Variants in LRRC7 observed in about 807,000 individuals in gnomAD.
The protein encoded by LRRC7 is leucine-rich repeat-containing protein 7.
A neutral mutation model predicts 175.7 loss-of-function variants in LRRC7; 23 were observed. The ratio of observed to expected loss-of-function variants is 0.13; its 90% CI spans 0.09 to 0.19. LRRC7 has a LOEUF of 0.19. LRRC7 is among the 10% of genes least tolerant of loss of function. LRRC7 has a pLI of 1.00. For missense variants in LRRC7, 1,354 were observed against 1,904.7 expected, an observed-to-expected ratio of 0.71 and a Z score of 5.38; for synonymous variants, 685 against 680.9, an observed-to-expected ratio of 1.01 and a Z score of -0.09.
At chr1:69,747,869 A>T (rs1163378592) in intron 2 of LRRC7, among the ~76,000 whole-genome samples, 1 of 152,124 alleles carries the variant, frequency 6.6e-6, no homozygotes, top group African/African-American at 2.4e-5. Flanking sequence ...CATTTCAAGC[A>T]TTCATGAACC....
At chr1:69,697,005 C>A (rs571283024) in intron 2 of LRRC7, among the ~76,000 whole-genome samples, 82 of 152,180 alleles carry the variant, frequency 5.4e-4, no homozygotes, top group African/African-American at 1.9e-3. Flanking sequence ...GCTTTTCTAC[C>A]TTCCTTTTTA....
At chr1:69,658,142 G>A (rs1656925279) in intron 1 of LRRC7, among the ~76,000 whole-genome samples, 1 of 151,870 alleles carries the variant, frequency 6.6e-6, no homozygotes, top group Non-Finnish European at 1.5e-5. Flanking sequence ...TGGAATGAGT[G>A]AAATGTGAAT....
At chr1:69,745,691 A>G (rs1377544998) in intron 2 of LRRC7, among the ~76,000 whole-genome samples, 1 of 151,802 alleles carries the variant, frequency 6.6e-6, no homozygotes, top group East Asian at 1.9e-4. Context: ...ACACAAAACA[A>G]TGTATTAATT....
intron 8 of LRRC7, among the ~76,000 whole-genome samples, chr1:69,932,209 C>G (rs1647455172): frequency 6.6e-6 from 1 of 152,180 alleles, no homozygotes; most frequent in South Asian, 2.1e-4. Flanking sequence ...TTTCTCTATT[C>G]AGAAGTCTTC....
At chr1:69,765,004 A>G (rs1671471799) in intron 3 of LRRC7, among the ~76,000 whole-genome samples, 2 of 152,014 alleles carry the variant, frequency 1.3e-5, no homozygotes, top group Admixed American at 1.3e-4. Context: ...TTTATCTGAA[A>G]TCTTCAAAGA....
At chr1:70,054,880 G>A (rs1351003065) in intron 23 of LRRC7, among the ~76,000 whole-genome samples, 1 of 151,480 alleles carries the variant, frequency 6.6e-6, no homozygotes, top group Non-Finnish European at 1.5e-5. Flanking sequence ...ATGAACCACC[G>A]CTCCCGGCCT....
At chr1:69,764,589 T>G (rs1557697588) in intron 3 of LRRC7, among the ~76,000 whole-genome samples, 1 of 152,014 alleles carries the variant, frequency 6.6e-6, no homozygotes, top group Admixed American at 6.6e-5. Flanking sequence ...CAGGCAAATC[T>G]GGAATTATAT....
chr1:69,997,891 G>A (rs1223515718), intron 11 of LRRC7, among the ~76,000 whole-genome samples: 1 of 152,054 alleles, frequency 6.6e-6, no homozygotes, highest in East Asian at 1.9e-4. Context: ...GCCCGGCTTT[G>A]GTATCAGGAT....
chr1:69,918,039 G>T (rs747715516), intron 7 of LRRC7, among the ~76,000 whole-genome samples: 47 of 152,104 alleles, frequency 3.1e-4, no homozygotes, highest in Non-Finnish European at 6.5e-4. Flanking sequence ...TTACTGAACT[G>T]TTTGTTGTTC....
At chr1:70,073,429 C>T (rs963671600) in intron 23 of LRRC7, among the ~76,000 whole-genome samples, 13 of 151,974 alleles carry the variant, frequency 8.6e-5, no homozygotes, top group African/African-American at 2.4e-4. Flanking sequence ...CCAGCCCGGG[C>T]GACAGAGTAA....
intron 8 of LRRC7, among the ~76,000 whole-genome samples, chr1:69,940,413 G>A (rs1215334667): frequency 6.6e-6 from 1 of 151,960 alleles, no homozygotes; most frequent in Non-Finnish European, 1.5e-5. Context: ...AAATTAATTA[G>A]CTCGGTTTGC....
At chr1:69,903,712 T>A (rs898450805) in intron 7 of LRRC7, among the ~76,000 whole-genome samples, 2 of 152,074 alleles carry the variant, frequency 1.3e-5, no homozygotes, top group Non-Finnish European at 2.9e-5. Context: ...AATCAGTGAA[T>A]CCAGGAGCTG....
chr1:69,589,592 T>C (rs1646548923), intron 1 of LRRC7, among the ~76,000 whole-genome samples: 1 of 152,148 alleles, frequency 6.6e-6, no homozygotes. Flanking sequence ...GGTTGTATTT[T>C]GGGAAGAGAA....
intron 7 of LRRC7, among the ~76,000 whole-genome samples, chr1:69,891,416 A>G (rs142661764): frequency 1.3e-4 from 20 of 152,206 alleles, no homozygotes; most frequent in Non-Finnish European, 2.9e-4. Context: ...CAAAACAATT[A>G]CAATAGTAGT....
chr1:69,792,316 T>A (rs954137557), intron 4 of LRRC7, among the ~76,000 whole-genome samples, 156 bp downstream of exon 4: 8 of 152,028 alleles, frequency 5.3e-5, no homozygotes, highest in Non-Finnish European at 1.5e-5. Context: ...AAATTTTAAG[T>A]CCAAGACAGA....
chr1:69,634,055 C>A (rs1652943603), intron 1 of LRRC7, among the ~76,000 whole-genome samples: 1 of 152,018 alleles, frequency 6.6e-6, no homozygotes, highest in African/African-American at 2.4e-5. Context: ...TACTTAGTGA[C>A]ATTAAAGCTA....
At chr1:69,881,882 G>C (rs950609444) in intron 7 of LRRC7, among the ~76,000 whole-genome samples, 10 of 123,662 alleles carry the variant, frequency 8.1e-5, no homozygotes, top group African/African-American at 3.3e-4. Flanking sequence ...CCTGTCTCCA[G>C]ATTAAAAAAA....
At chr1:69,887,856 G>A (rs1316902903) in intron 7 of LRRC7, among the ~76,000 whole-genome samples, 1 of 147,336 alleles carries the variant, frequency 6.8e-6, no homozygotes, top group Non-Finnish European at 1.5e-5. Context: ...CTCAGCTGCA[G>A]GTCTGTTGGA....
In LRRC7 at chr1:70,107,851, G is replaced by A. The variant is rs759319543; in HGVS notation, c.4620+25G>A. Reference sequence around the variant, plus strand: ...GGTAAGACAGATAAAAGAAATGCATGCAAATGCCATACTGAGACAAATATG... The same window carrying A: ...GGTAAGACAGATAAAAGAAATGCATACAAATGCCATACTGAGACAAATATG... On this transcript the variant is annotated intron_variant, in intron 26 of 26. Coordinates refer to ENST00000651989, the MANE Select transcript of LRRC7 (RefSeq NM_001370785.2). 48 of 1,558,670 alleles carry A rather than the reference G, an allele frequency of 3.1e-5. No homozygotes were observed. The Middle Eastern group carries it at 8.3e-4, about 27-fold the overall frequency.
Sources: allele counts gnomAD v4.1 joint callset (sites outside exome capture counted in the v4.1 genomes callset), GRCh38; gene constraint gnomAD v4.1.1; transcripts MANE v1.5; gene names NCBI Gene and HGNC (gene_info 2026-07-23, HGNC 2026-07-21).